C6orf58: variants seen among roughly 807,000 people sequenced by gnomAD.
C6orf58 encodes the protein chromosome 6 open reading frame 58.
Under a neutral mutation model 37.0 loss-of-function variants are expected in C6orf58, and 30 were observed. The ratio of observed to expected loss-of-function variants is 0.81; its 90% CI spans 0.61 to 1.10. C6orf58 has a LOEUF of 1.10. Among genes scored for constraint, C6orf58 ranks in the 50% least tolerant of loss-of-function variants. The probability of loss-of-function intolerance (pLI) is 0.00; values close to 1 mark genes in which losing one functional copy is unlikely to be tolerated. For missense variants in C6orf58, 368 were observed against 387.5 expected (o/e 0.95, Z 0.42); for synonymous variants, 143 against 134.1 (o/e 1.07, Z -0.46).
Position 127,578,558 on chromosome 6 carries a change from T to C in C6orf58, c.302-128T>C, listed in dbSNP as rs150865606. ...AAAGATAAAAAAAGAATGATGGGAA[T>C]ACAAACACATATCATTCAGAAATAA... On this transcript the variant is annotated intron_variant, in intron 1 of 5. Coordinates refer to ENST00000329722, the MANE Select transcript of C6orf58 (RefSeq NM_001010905.3). The C allele has an allele frequency of 3.2e-4, 187 of 582,982 alleles. 2 individuals carry two copies. The East Asian group carries it at 4.8e-3, about 15-fold the overall frequency. 36.1% of individuals were successfully genotyped at this position (582,982 alleles called of 1,614,324 possible).
At chr6:127,589,400 T>C (rs978919282) in intron 4 of C6orf58, among the ~76,000 whole-genome samples, 1 of 152,202 alleles carries the variant, frequency 6.6e-6, no homozygotes, top group African/African-American at 2.4e-5. Context: ...AGACAGCTCA[T>C]AGAAACAGAA....
intron 3 of C6orf58, 81 bp from the exon 4 acceptor site, chr6:127,581,099 AAT>A (rs1775045025): frequency 5.2e-6 from 3 of 572,408 alleles, no homozygotes; most frequent in Non-Finnish European, 5.8e-6. Context: ...ATATTGCTAA[AAT>A]ATATCTGAAC....
At chr6:127,587,031 T>G (rs975213552) in intron 4 of C6orf58, among the ~76,000 whole-genome samples, 8 of 152,228 alleles carry the variant, frequency 5.3e-5, no homozygotes, top group Non-Finnish European at 7.3e-5. Flanking sequence ...TCGAGGAGAA[T>G]TCTACAAATT....
chr6:127,585,476 C>A (rs570159214), intron 4 of C6orf58, among the ~76,000 whole-genome samples: 1 of 152,142 alleles, frequency 6.6e-6, no homozygotes, highest in Non-Finnish European at 1.5e-5. Flanking sequence ...ATAGAAAAAC[C>A]TTCGATCTTT....
intron 4 of C6orf58, among the ~76,000 whole-genome samples, chr6:127,582,396 T>C (rs1323937090): frequency 6.6e-6 from 1 of 152,194 alleles, no homozygotes; most frequent in Admixed American, 6.5e-5. Flanking sequence ...TCTACTTGTT[T>C]TAACCAATTG....
At chr6:127,580,576 T>C (rs1775038974) in intron 3 of C6orf58, 127 bp downstream of exon 3, 1 of 641,032 alleles carries the variant, frequency 1.6e-6, no homozygotes. Context: ...ATGCATGATA[T>C]ATTAATAGTA....
intron 4 of C6orf58, among the ~76,000 whole-genome samples, chr6:127,582,890 T>C (rs1775065484): frequency 6.6e-6 from 1 of 152,194 alleles, no homozygotes; most frequent in Non-Finnish European, 1.5e-5. Context: ...TGTTAAATCC[T>C]CCACAAATAA....
At chr6:127,580,199 C>T in intron 2 of C6orf58, 66 bp from the exon 3 acceptor site, 1 of 1,274,096 alleles carries the variant, frequency 7.8e-7, no homozygotes, top group African/African-American at 1.5e-5. Context: ...CTTATGCCTT[C>T]CTTAAAAATA....
At chr6:127,583,048 G>A (rs1281279203) in intron 4 of C6orf58, among the ~76,000 whole-genome samples, 1 of 152,080 alleles carries the variant, frequency 6.6e-6, no homozygotes, top group Non-Finnish European at 1.5e-5. Context: ...AGCAACTAAA[G>A]GATTAGGGTT....
intron 2 of C6orf58, 81 bp downstream of exon 2, chr6:127,578,853 C>A: frequency 9.9e-7 from 1 of 1,005,776 alleles, no homozygotes; most frequent in Non-Finnish European, 1.6e-6. Flanking sequence ...GGGACAGAGA[C>A]AGAACTAAAA....
chr6:127,590,281 T>A lies in C6orf58; in HGVS notation c.869T>A (p.Val290Asp). The A allele has an allele frequency of 6.2e-7, 1 of 1,612,680 alleles. No individual in the cohort carries two copies. Among genetic ancestry groups the A allele is most frequent in the Non-Finnish European group, 8.5e-7 (1 of 1,179,438 alleles). ...ISDFTAFQNV[V>D]LVLLNMLDNV... Reference sequence around the variant, plus strand: ...GACTTTACTGCTTTTCAGAATGTAGTCCTGGTTCTTCTAAATATGCTTGAC... The same window carrying A: ...GACTTTACTGCTTTTCAGAATGTAGACCTGGTTCTTCTAAATATGCTTGAC... Residue 290 changes from valine to aspartate, a missense_variant, in exon 5 of 6, where the codon GTC becomes GAC. Coordinates refer to ENST00000329722, the MANE Select transcript of C6orf58 (RefSeq NM_001010905.3).
Position 127,577,381 on chromosome 6 carries a change from A to G in C6orf58, c.196A>G (p.Ile66Val). Residue 66 changes from isoleucine to valine, a missense_variant, in exon 1 of 6, where the codon ATC (isoleucine) becomes GTC (valine). Coordinates refer to ENST00000329722, the MANE Select transcript of C6orf58 (RefSeq NM_001010905.3). The part of the protein sequence containing the change: ...VYLERMGMYK[I>V]ILNQTARYFA... ...CCTTGAGAGAATGGGGATGTATAAA[A>G]TCATATTGAATCAGACAGCCAGGTA... 2 of 1,613,630 alleles carry G rather than the reference A, an allele frequency of 1.2e-6. No homozygotes were observed. The highest frequency in any genetic ancestry group is 8.5e-7 in the Non-Finnish European group (1 of 1,179,622).
chr6:127,582,286 T>C (rs1775058080), intron 4 of C6orf58, among the ~76,000 whole-genome samples: 1 of 152,156 alleles, frequency 6.6e-6, no homozygotes, highest in Admixed American at 6.6e-5. Flanking sequence ...AGGGAAACTA[T>C]TATGATGGCT....
At chr6:127,581,909 C>T (rs1080436) in intron 4 of C6orf58, among the ~76,000 whole-genome samples, 100,318 of 152,054 alleles carry the variant, frequency 0.66, 35,431 homozygotes, top group East Asian at 1. Context: ...TGGCTGAGAC[C>T]CATATTTGTT....
intron 1 of C6orf58, among the ~76,000 whole-genome samples, chr6:127,578,122 A>T (rs1487216518): frequency 6.6e-6 from 1 of 152,090 alleles, no homozygotes; most frequent in East Asian, 1.9e-4. Flanking sequence ...ATTGTGTGTG[A>T]GAGAGAGGTT....
chr6:127,584,699 G>A (rs918630616), intron 4 of C6orf58, among the ~76,000 whole-genome samples: 16 of 151,636 alleles, frequency 1.1e-4, no homozygotes, highest in Non-Finnish European at 2.2e-4. Context: ...GCTTGAACCC[G>A]GGAGGCAGAG....
chr6:127,591,031 G>A (rs1775157532), intron 5 of C6orf58, among the ~76,000 whole-genome samples: 1 of 152,092 alleles, frequency 6.6e-6, no homozygotes, highest in Non-Finnish European at 1.5e-5. Flanking sequence ...ATCAGTTAGA[G>A]TAACAAAAAC....
At chr6:127,584,396 G>A (rs531878275) in intron 4 of C6orf58, among the ~76,000 whole-genome samples, 54 of 152,316 alleles carry the variant, frequency 3.5e-4, no homozygotes, top group African/African-American at 1.3e-3. Context: ...CTTCCATGAT[G>A]AGTATAGAGT....
Position 127,580,394 on chromosome 6 carries a change from C to T in C6orf58, c.518C>T (p.Ser173Phe). The change falls in exon 3 of 6, where the codon TCT becomes TTT. Residue 173 changes from serine (S) to phenylalanine (F), a missense_variant. Physicochemically the swap from Ser to Phe is radical, Grantham distance 155. Transcript: ENST00000329722. ...KNERKFCYDV[S>F]SCRSSFPETM... ...GAGAGGAAGTTTTGTTATGATGTTT[C>T]TAGCTGTCGTTCATCCTTCCCTGAG... 6.2e-7 allele frequency: 1 copy of T among 1,613,060 alleles called. No individual in the cohort carries two copies. The highest frequency in any genetic ancestry group is 8.5e-7 in the Non-Finnish European group (1 of 1,179,278).
Sources: gnomAD v4.1 joint callset for allele counts (sites outside exome capture counted in the v4.1 genomes callset) on GRCh38, gnomAD v4.1.1 for gene constraint, MANE v1.5 for transcripts, NCBI Gene and HGNC (gene_info 2026-07-23, HGNC 2026-07-21) for gene names.